The following C17orf67 variants were observed in gnomAD, a reference collection of about 807,000 sequenced individuals.
C17orf67 encodes chromosome 17 open reading frame 67.
Under a neutral mutation model 11.2 loss-of-function variants are expected in C17orf67, and 12 were observed. The ratio of observed to expected loss-of-function variants is 1.07; its 90% confidence interval spans 0.68 to 1.73. The LOEUF (loss-of-function observed/expected upper bound fraction) is 1.73, where lower values mean the gene tolerates loss of function less well. C17orf67 is among the 40% of genes most tolerant of loss of function. The probability of loss-of-function intolerance (pLI) is 0.00; values close to 1 mark genes in which losing one functional copy is unlikely to be tolerated. For synonymous variants in C17orf67, 59 were observed against 46.9 expected (o/e 1.26, Z -1.05); for missense variants, 115 against 113.5 (o/e 1.01, Z -0.06).
At chr17:56,821,040 G>GC (rs1905892367) in intron 4 of C17orf67, among the ~76,000 whole-genome samples, 1 of 152,030 alleles carries the variant, frequency 6.6e-6, no homozygotes, top group African/African-American at 2.4e-5. Context: ...TTCTCAAATA[G>GC]CTGGAACCAC....
chr17:56,833,641 G>C lies in C17orf67; in HGVS notation c.-1025C>G, dbSNP rs1192240529. 6 of 151,734 alleles carry C rather than the reference G, an allele frequency of 4.0e-5. No homozygotes were observed. The highest frequency in any genetic ancestry group is 8.8e-5 in the Non-Finnish European group (6 of 67,996). The allele number at this position is 151,734 out of a possible 1,614,324, so 9.4% of individuals were successfully genotyped here. A position where few individuals can be genotyped will look rare whatever the true frequency, so the allele number is the denominator to read the frequency against. On this transcript the variant is annotated 5_prime_UTR_variant, in exon 1 of 8. Transcript: ENST00000397861. The stretch of plus-strand genomic sequence containing the variant: ...ACCTCAGCCCGCCGCGGCCAGGTCG[G>C]GCGGTGCCGCGCAGGCCGCCTCCCC...
At chr17:56,830,711 C>T (rs890785918) in intron 2 of C17orf67, among the ~76,000 whole-genome samples, 4 of 152,174 alleles carry the variant, frequency 2.6e-5, no homozygotes, top group Non-Finnish European at 4.4e-5. Flanking sequence ...ATTTAAACTT[C>T]CTCTGTGTCT....
intron 7 of C17orf67, among the ~76,000 whole-genome samples, chr17:56,793,775 A>C (rs922897923): frequency 4.6e-5 from 7 of 152,294 alleles, no homozygotes; most frequent in Admixed American, 3.3e-4. Flanking sequence ...CCAGTGCTAA[A>C]AGACAAAGGC....
Position 56,825,064 on chromosome 17 carries a change from T to C in C17orf67, c.-316+17A>G, listed in dbSNP as rs1905993710. ...CATTTCAAAATATAAACAAAAAAAG[T>C]TTGAATAAAGAATTACCTAGGGAAC... On this transcript the variant is annotated intron_variant, in intron 3 of 7. Coordinates refer to ENST00000397861, the MANE Select transcript of C17orf67 (RefSeq NM_001085430.4). 2 of 152,218 alleles carry C rather than the reference T, an allele frequency of 1.3e-5. No individual in the cohort carries two copies. The highest frequency in any genetic ancestry group is 4.8e-5 in the African/African-American group (2 of 41,436). 9.4% of individuals were successfully genotyped at this position (152,218 alleles called of 1,614,324 possible). A position where few individuals can be genotyped will look rare whatever the true frequency, so the allele number is the denominator to read the frequency against.
chr17:56,796,208 A>G (rs1905211273), intron 6 of C17orf67, among the ~76,000 whole-genome samples: 2 of 152,228 alleles, frequency 1.3e-5, no homozygotes, highest in Admixed American at 6.5e-5. Flanking sequence ...CCCAAGAGAA[A>G]CAAAAATGGA....
intron 6 of C17orf67, among the ~76,000 whole-genome samples, chr17:56,800,190 C>T (rs910407879): frequency 1.9e-4 from 29 of 151,354 alleles, no homozygotes; most frequent in Non-Finnish European, 3.7e-4. Context: ...CTTAGCCTCC[C>T]GAGTAGCTGG....
At chr17:56,823,495 T>C (rs1426799964) in intron 4 of C17orf67, among the ~76,000 whole-genome samples, 1 of 152,148 alleles carries the variant, frequency 6.6e-6, no homozygotes, top group Non-Finnish European at 1.5e-5. Context: ...AAGTTTTGCT[T>C]GTGTGGAACA....
intron 4 of C17orf67, among the ~76,000 whole-genome samples, chr17:56,823,612 G>GA (rs1567800217): frequency 6.6e-6 from 1 of 151,964 alleles, no homozygotes; most frequent in South Asian, 2.1e-4. Context: ...GTTGAGTCAA[G>GA]AAAAAAGCTA....
intron 6 of C17orf67, among the ~76,000 whole-genome samples, chr17:56,807,210 G>A (rs1006916993): frequency 2.0e-5 from 3 of 152,282 alleles, no homozygotes; most frequent in Middle Eastern, 3.4e-3. Context: ...ACCTAGCAGC[G>A]GGAGCCACCA....
intron 4 of C17orf67, among the ~76,000 whole-genome samples, chr17:56,820,250 A>C (rs961866661): frequency 6.6e-6 from 1 of 152,234 alleles, no homozygotes; most frequent in Non-Finnish European, 1.5e-5. Flanking sequence ...CATTTCTAAT[A>C]TCAAACGTTG....
chr17:56,830,671 C>T (rs1049152106), intron 2 of C17orf67, among the ~76,000 whole-genome samples: 2 of 152,138 alleles, frequency 1.3e-5, no homozygotes, highest in Non-Finnish European at 1.5e-5. Context: ...AGAGAGATAC[C>T]TGACAAAAGT....
chr17:56,823,744 C>CAA (rs1905960894), intron 4 of C17orf67, among the ~76,000 whole-genome samples: 2 of 152,182 alleles, frequency 1.3e-5, no homozygotes, highest in Non-Finnish European at 2.9e-5. Flanking sequence ...CATGTCCACA[C>CAA]AAAAACCTGC....
intron 6 of C17orf67, among the ~76,000 whole-genome samples, chr17:56,805,649 C>A (rs907907052): frequency 3.9e-5 from 6 of 152,110 alleles, no homozygotes; most frequent in African/African-American, 1.4e-4. Flanking sequence ...TATTCTGATT[C>A]TTGGACCTAG....
rs983792297 is a variant in C17orf67 at position 56,814,769 on chromosome 17, C to A, written c.156+100G>T. On this transcript the variant is annotated intron_variant, in intron 6 of 7. Transcript: ENST00000397861. ...CTTCTACCTGAAACTCTAACCAAAC[C>A]CCTAACTAGCAGCCCATGCTGGGAC... 6.1e-6 allele frequency: 7 copies of A among 1,140,284 alleles called. No individual in the cohort carries two copies. The African/African-American group carries it at 9.2e-5, about 15-fold the overall frequency. 70.6% of individuals were successfully genotyped at this position (1,140,284 alleles called of 1,614,324 possible). A position where few individuals can be genotyped will look rare whatever the true frequency, so the allele number is the denominator to read the frequency against.
chr17:56,815,742 G>A lies in C17orf67; in HGVS notation c.55+14C>T. 6.3e-7 allele frequency: 1 copy of A among 1,587,096 alleles called. No individual in the cohort carries two copies. Among genetic ancestry groups the A allele is most frequent in the Non-Finnish European group, 8.6e-7 (1 of 1,162,520 alleles). ...TCAGCATAGAAATAGGCTGTTTTTG[G>A]AGTCAGTGCCCACCTGAGAAGACAG... On this transcript the variant is annotated intron_variant, in intron 5 of 7. Coordinates refer to ENST00000397861, the MANE Select transcript of C17orf67 (RefSeq NM_001085430.4).
intron 7 of C17orf67, among the ~76,000 whole-genome samples, 164 bp from the exon 8 acceptor site, chr17:56,792,516 G>A (rs1285847647): frequency 1.1e-5 from 1 of 90,836 alleles, no homozygotes; most frequent in East Asian, 2.6e-4. Context: ...AATGATGATA[G>A]TGGTGGTGGT....
At chr17:56,807,415 A>T (rs1242288214) in intron 6 of C17orf67, among the ~76,000 whole-genome samples, 1 of 152,190 alleles carries the variant, frequency 6.6e-6, no homozygotes, top group African/African-American at 2.4e-5. Flanking sequence ...CTTGAAGGTG[A>T]ACAGGGATCA....
intron 6 of C17orf67, among the ~76,000 whole-genome samples, chr17:56,800,482 T>C (rs949772277): frequency 6.6e-6 from 1 of 152,202 alleles, no homozygotes; most frequent in Non-Finnish European, 1.5e-5. Context: ...GGTCTTTCCA[T>C]GACCCAGCTA....
intron 2 of C17orf67, among the ~76,000 whole-genome samples, chr17:56,829,213 T>G (rs557148953): frequency 5.6e-4 from 85 of 152,106 alleles, no homozygotes; most frequent in Admixed American, 1.2e-3. Flanking sequence ...GAGGTGGAGA[T>G]TGCAGTGAGC....
Sources: gnomAD v4.1 joint callset for allele counts (sites outside exome capture counted in the v4.1 genomes callset) on GRCh38, gnomAD v4.1.1 for gene constraint, MANE v1.5 for transcripts, NCBI Gene and HGNC (gene_info 2026-07-23, HGNC 2026-07-21) for gene names.